Variants in GABRG1 observed in about 807,000 individuals in gnomAD.
GABRG1 encodes gamma-aminobutyric acid receptor subunit gamma-1.
A neutral mutation model predicts 49.8 loss-of-function variants in GABRG1; 49 were observed. The ratio of observed to expected loss-of-function variants is 0.98; its 90% CI spans 0.78 to 1.25. The LOEUF (loss-of-function observed/expected upper bound fraction) is 1.25. GABRG1 is among the 50% of genes most tolerant of loss of function. GABRG1 has a pLI of 0.00. For synonymous variants in GABRG1, 232 were observed against 185.1 expected (o/e 1.25, Z -2.06); for missense variants, 552 against 552.3 (o/e 1.00, Z 0.01).
At chr4:46,102,316 A>G (rs1013032988) in intron 1 of GABRG1, among the ~76,000 whole-genome samples, 1 of 151,646 alleles carries the variant, frequency 6.6e-6, no homozygotes, top group African/African-American at 2.4e-5. Flanking sequence ...ATAACTGAAC[A>G]TAGTAGGAAT....
intron 3 of GABRG1, among the ~76,000 whole-genome samples, chr4:46,081,786 T>C (rs1424771590): frequency 1.3e-4 from 20 of 151,822 alleles, no homozygotes; most frequent in Non-Finnish European, 1.5e-5. Flanking sequence ...ACATGCGGCT[T>C]TTAGGGTGGG....
intron 1 of GABRG1, among the ~76,000 whole-genome samples, chr4:46,112,576 A>G (rs1720751464): frequency 6.6e-6 from 1 of 151,374 alleles, no homozygotes; most frequent in Admixed American, 6.6e-5. Flanking sequence ...AAAGTGATAG[A>G]ATCAACTGAT....
intron 3 of GABRG1, among the ~76,000 whole-genome samples, chr4:46,073,987 T>C (rs1419046922): frequency 6.6e-6 from 1 of 152,112 alleles, no homozygotes; most frequent in Non-Finnish European, 1.5e-5. Context: ...ACACTCAAAC[T>C]ATACTTCCCC....
intron 1 of GABRG1, among the ~76,000 whole-genome samples, chr4:46,118,277 T>C (rs1012333004): frequency 2.0e-4 from 29 of 143,568 alleles, no homozygotes; most frequent in Non-Finnish European, 3.4e-4. Context: ...TATCTATCTA[T>C]CTACCTACCT....
In GABRG1 at chr4:46,097,181, G is replaced by T. The variant is rs573505496; in HGVS notation, c.253+20C>A. ...ATGTTTAATGGTCATCAAAATCCCA[G>T]AATGGTAACTCAAGCTTACCTCCTA... On this transcript the variant is annotated intron_variant, in intron 2 of 8. Transcript: ENST00000295452. 1.3e-5 allele frequency: 20 copies of T among 1,587,458 alleles called. 1 individual carries two copies. The African/African-American group carries it at 1.5e-4, about 12-fold the overall frequency.
intron 2 of GABRG1, among the ~76,000 whole-genome samples, chr4:46,086,366 T>C (rs1405699501): frequency 6.6e-6 from 1 of 151,640 alleles, no homozygotes; most frequent in Non-Finnish European, 1.5e-5. Flanking sequence ...GGTGGGTAAT[T>C]GGTATATCAG....
rs1717548136 is a variant in GABRG1, at chr4:46,036,819, A to G, written c.*4169T>C. 1 of 152,026 alleles carries G rather than the reference A, an allele frequency of 6.6e-6. No homozygotes were observed. The highest frequency in any genetic ancestry group is 2.4e-5 in the African/African-American group (1 of 41,444). The allele number at this position is 152,026 out of a possible 1,614,324, so 9.4% of individuals were successfully genotyped here. On this transcript the variant is annotated 3_prime_UTR_variant, in exon 9 of 9. Transcript: ENST00000295452. ...TTTAATAATGTATCTTTTGTACTCA[A>G]GTATCTCTGTGAACTTTTTATGACT...
intron 2 of GABRG1, among the ~76,000 whole-genome samples, chr4:46,086,594 T>TA (rs1430019971): frequency 6.6e-6 from 1 of 151,480 alleles, no homozygotes; most frequent in Admixed American, 6.6e-5. Context: ...GAATAGGCCT[T>TA]AAAAAAGAGA....
intron 1 of GABRG1, among the ~76,000 whole-genome samples, chr4:46,105,289 A>G (rs891340575): frequency 6.6e-6 from 1 of 151,498 alleles, no homozygotes; most frequent in Non-Finnish European, 1.5e-5. Flanking sequence ...ATTAAAGTGA[A>G]AAAGAAAAAA....
chr4:46,064,307 A>G, intron 5 of GABRG1, 134 bp downstream of exon 5: 2 of 492,336 alleles, frequency 4.1e-6, no homozygotes, highest in South Asian at 3.6e-5. Context: ...TATTATTTGT[A>G]ATTATTTTAT....
At chr4:46,061,814 A>T (rs71609462) in intron 5 of GABRG1, among the ~76,000 whole-genome samples, 70,130 of 144,442 alleles carry the variant, frequency 0.49, 16,916 homozygotes, top group African/African-American at 0.55. Context: ...TACCACTTAC[A>T]TTTTTTTTTT....
chr4:46,099,594 A>T (rs149832968), intron 1 of GABRG1, among the ~76,000 whole-genome samples: 2 of 151,870 alleles, frequency 1.3e-5, no homozygotes, highest in East Asian at 3.9e-4. Context: ...TAAGTAACAT[A>T]CGCCTCAGTT....
rs1281328720 is a variant in GABRG1 at position 46,038,683 on chromosome 4, C to G, written c.*2305G>C. 6.6e-6 allele frequency: 1 copy of G among 151,338 alleles called. No individual in the cohort carries two copies. The highest frequency in any genetic ancestry group is 6.6e-5 in the Admixed American group (1 of 15,126). 9.4% of individuals were successfully genotyped at this position (151,338 alleles called of 1,614,324 possible). A position where few individuals can be genotyped will look rare whatever the true frequency, so the allele number is the denominator to read the frequency against. The stretch of plus-strand genomic sequence containing the variant: ...GAAAGAAGTCTAAATGTAGTTTTAC[C>G]TTTTTATTCTTATTTTTAGAAATAA... On this transcript the variant is annotated 3_prime_UTR_variant, in exon 9 of 9. Transcript: ENST00000295452.
intron 1 of GABRG1, among the ~76,000 whole-genome samples, chr4:46,099,731 G>A (rs1002383645): frequency 3.3e-5 from 5 of 151,794 alleles, no homozygotes; most frequent in Middle Eastern, 3.4e-3. Flanking sequence ...CATAGAATGT[G>A]CTTTGTATGC....
chr4:46,062,897 A>G (rs2109406600), intron 5 of GABRG1, among the ~76,000 whole-genome samples: 1 of 152,164 alleles, frequency 6.6e-6, no homozygotes, highest in Admixed American at 6.5e-5. Context: ...GAGCCAAATC[A>G]TGAGTGAACT....
intron 1 of GABRG1, among the ~76,000 whole-genome samples, chr4:46,099,195 G>T (rs1052504179): frequency 6.6e-6 from 1 of 151,596 alleles, no homozygotes; most frequent in African/African-American, 2.4e-5. Flanking sequence ...TCCAGCAGGA[G>T]GATTATACAT....
At chr4:46,081,922 A>G (rs1451437318) in intron 3 of GABRG1, among the ~76,000 whole-genome samples, 3 of 151,878 alleles carry the variant, frequency 2.0e-5, no homozygotes, top group Non-Finnish European at 4.4e-5. Context: ...CTGCAAGCCA[A>G]TGACATAGAT....
intron 1 of GABRG1, among the ~76,000 whole-genome samples, chr4:46,107,696 T>C (rs1300557386): frequency 1.3e-5 from 2 of 150,858 alleles, no homozygotes. Context: ...CCTATCTTAT[T>C]TTAATTTATT....
In GABRG1 at chr4:46,040,136, G is replaced by T. The variant is rs569287318; in HGVS notation, c.*852C>A. On this transcript the variant is annotated 3_prime_UTR_variant, in exon 9 of 9. Coordinates refer to ENST00000295452, the MANE Select transcript of GABRG1 (RefSeq NM_173536.4). ...CTGCAACACTTTCATAAAACATAAAGAAAAAAATAATCATTTCTCTCTGCA... is the reference window on the plus strand; with the variant it reads ...CTGCAACACTTTCATAAAACATAAATAAAAAAATAATCATTTCTCTCTGCA... 3.3e-5 allele frequency: 5 copies of T among 151,578 alleles called. No individual in the cohort carries two copies. Among genetic ancestry groups the T allele is most frequent in the Non-Finnish European group, 7.4e-5 (5 of 67,796 alleles). The allele number at this position is 151,578 out of a possible 1,614,324, so 9.4% of individuals were successfully genotyped here.
Sources: allele counts gnomAD v4.1 joint callset (sites outside exome capture counted in the v4.1 genomes callset), GRCh38; gene constraint gnomAD v4.1.1; transcripts MANE v1.5; gene names NCBI Gene and HGNC (gene_info 2026-07-23, HGNC 2026-07-21).